CRIM1: variants seen among roughly 807,000 people sequenced by gnomAD.
The protein encoded by CRIM1 is cysteine-rich motor neuron 1 protein.
A neutral mutation model predicts 116.4 loss-of-function variants in CRIM1; 32 were observed. The ratio of observed to expected loss-of-function variants is 0.27; its 90% CI spans 0.21 to 0.37. CRIM1 has a LOEUF of 0.37. Ranked by LOEUF, CRIM1 falls within the 10% of genes least tolerant of loss-of-function variation. CRIM1 has a pLI of 1.00. For synonymous variants in CRIM1, 590 were observed against 509.2 expected (o/e 1.16, Z -2.13); for missense variants, 1,331 against 1,354.8 (o/e 0.98, Z 0.28).
chr2:36,428,850 G>A lies in CRIM1; in HGVS notation c.506-12408G>A, dbSNP rs80137038. On this transcript the variant is annotated intron_variant, in intron 2 of 16. Coordinates refer to ENST00000280527, the MANE Select transcript of CRIM1 (RefSeq NM_016441.3). ...AGTTTCTAATTGTCCCCATATACATGTGTTCATTCTCCTCTTCCTGCGTAG... is the reference window on the plus strand; with the variant it reads ...AGTTTCTAATTGTCCCCATATACATATGTTCATTCTCCTCTTCCTGCGTAG... 7.5e-3 allele frequency among the ~76,000 whole-genome samples: 1,147 copies of A among 152,282 alleles called. 44 individuals carry two copies. The East Asian group carries it at 0.088, about 12-fold the overall frequency.
At chr2:36,379,264 A>G (rs909333546) in intron 1 of CRIM1, 5 of 152,226 alleles carry the variant, frequency 3.3e-5, no homozygotes, top group African/African-American at 1.2e-4. Flanking sequence ...AAAATTATGC[A>G]GGTGGTTTGA....
At chr2:36,453,116 T>C (rs1676864402) in intron 4 of CRIM1, among the ~76,000 whole-genome samples, 2 of 152,374 alleles carry the variant, frequency 1.3e-5, no homozygotes, top group South Asian at 4.1e-4. Context: ...ACTCTTCATG[T>C]ACACCTTTAC....
At chr2:36,531,195 T>C (rs1394777032) in intron 13 of CRIM1, among the ~76,000 whole-genome samples, 1 of 152,142 alleles carries the variant, frequency 6.6e-6, no homozygotes, top group Non-Finnish European at 1.5e-5. Flanking sequence ...CAGCCTGACT[T>C]CCTCCCAGGA....
intron 8 of CRIM1, among the ~76,000 whole-genome samples, chr2:36,507,953 C>G (rs1327736020): frequency 6.6e-6 from 1 of 152,138 alleles, no homozygotes; most frequent in African/African-American, 2.4e-5. Flanking sequence ...TCATCTGTTT[C>G]CCAACATAAT....
At chr2:36,478,222 T>A (rs188001544) in intron 6 of CRIM1, among the ~76,000 whole-genome samples, 24 of 152,362 alleles carry the variant, frequency 1.6e-4, no homozygotes, top group African/African-American at 5.5e-4. Context: ...CTACTAGAGG[T>A]TATTTTACCC....
chr2:36,545,520 A>C (rs776349681), intron 15 of CRIM1, among the ~76,000 whole-genome samples: 12 of 152,212 alleles, frequency 7.9e-5, no homozygotes, highest in Non-Finnish European at 7.4e-5. Flanking sequence ...AAATTTTCTC[A>C]TGCATCAATA....
chr2:36,361,607 C>T (rs1395167582), intron 1 of CRIM1, among the ~76,000 whole-genome samples: 1 of 152,144 alleles, frequency 6.6e-6, no homozygotes. Flanking sequence ...ACAAGTATAT[C>T]ATCCTTTGAA....
rs188261043 is a variant in CRIM1 at position 36,486,329 on chromosome 2, T to C, written c.1372+6635T>C. ...GAGAAGAAATGTTTATTCTTACTTA[T>C]ACCTAGGAGTTCTGCTGCTGGTTCT... On this transcript the variant is annotated intron_variant, in intron 7 of 16. Transcript: ENST00000280527. Among the ~76,000 whole-genome samples the C allele has an allele frequency of 3.0e-4, 45 of 152,346 alleles. 1 individual carries two copies. The highest frequency in any genetic ancestry group is 7.8e-4 in the Admixed American group (12 of 15,304).
chr2:36,529,516 A>C, intron 13 of CRIM1: 1 of 219,662 alleles, frequency 4.6e-6, no homozygotes, highest in South Asian at 7.6e-5. Context: ...GATTTATGTG[A>C]ATAATGTCCA....
intron 1 of CRIM1, among the ~76,000 whole-genome samples, chr2:36,390,902 C>T (rs186147255): frequency 2.9e-4 from 44 of 151,708 alleles, no homozygotes; most frequent in Non-Finnish European, 5.6e-4. Context: ...CTCCACCTCC[C>T]AGGTTCAAGC....
intron 1 of CRIM1, among the ~76,000 whole-genome samples, chr2:36,360,555 G>A (rs923359993): frequency 2.6e-5 from 4 of 152,076 alleles, no homozygotes; most frequent in Admixed American, 2.0e-4. Context: ...TACATAGTGG[G>A]GTACTTACAG....
In CRIM1 at chr2:36,356,474, G is replaced by A; in HGVS notation, c.182G>A (p.Gly61Asp). The A allele has an allele frequency of 1.2e-6, 2 of 1,612,110 alleles. No individual in the cohort carries two copies. The highest frequency in any genetic ancestry group is 1.7e-6 in the Non-Finnish European group (2 of 1,179,770). ...GGGAGCATCGTGCAGGGCGTCTGCG[G>A]CTGCTGCTACACGTGCGCCAGCCAG... ...CPGSIVQGVC[G>D]CCYTCASQRN... Residue 61 changes from glycine to aspartate, a missense_variant, in exon 1 of 17, where the codon GGC becomes GAC. By Grantham distance (94) the Gly-to-Asp change is moderately conservative. Transcript: ENST00000280527. This position sits in a 1 kb window ranked among gnomAD's most constrained non-coding sequence, Gnocchi z 4.3.
chr2:36,531,907 G>T, intron 13 of CRIM1: 1 of 471,036 alleles, frequency 2.1e-6, no homozygotes, highest in Non-Finnish European at 4.4e-6. Context: ...AGCATCCCAT[G>T]AGGTAAGCAG....
At chr2:36,477,579 G>T (rs182918147) in intron 6 of CRIM1, among the ~76,000 whole-genome samples, 3 of 152,264 alleles carry the variant, frequency 2.0e-5, no homozygotes, top group Admixed American at 6.5e-5. Context: ...AATATGTGGT[G>T]GTTCACATGG....
chr2:36,414,565 G>C (rs966474660), intron 2 of CRIM1, among the ~76,000 whole-genome samples: 1 of 152,184 alleles, frequency 6.6e-6, no homozygotes, highest in Admixed American at 6.5e-5. Flanking sequence ...TGACGTACAG[G>C]GTACTGAGAC....
intron 1 of CRIM1, among the ~76,000 whole-genome samples, chr2:36,388,353 C>T (rs993196507): frequency 6.6e-6 from 1 of 152,126 alleles, no homozygotes. Context: ...AAAACAAAGT[C>T]TAATTGGTCT....
chr2:36,390,364 A>G (rs904727077), intron 1 of CRIM1, among the ~76,000 whole-genome samples: 3 of 152,232 alleles, frequency 2.0e-5, no homozygotes, highest in Non-Finnish European at 4.4e-5. Flanking sequence ...TAAGAACTCA[A>G]ATAAAAATAC....
chr2:36,360,423 T>C (rs1195674148), intron 1 of CRIM1, among the ~76,000 whole-genome samples: 3 of 152,220 alleles, frequency 2.0e-5, no homozygotes, highest in African/African-American at 7.2e-5. Context: ...ATTCCATCTT[T>C]TTCACCATTG....
At chr2:36,394,718 C>T (rs183249601) in intron 1 of CRIM1, among the ~76,000 whole-genome samples, 33 of 151,910 alleles carry the variant, frequency 2.2e-4, no homozygotes, top group Non-Finnish European at 4.0e-4. Flanking sequence ...AATTGTGTGT[C>T]GGTATAAACT....
Sources: allele counts gnomAD v4.1 joint callset (sites outside exome capture counted in the v4.1 genomes callset), GRCh38; gene constraint gnomAD v4.1.1; non-coding constraint Gnocchi (gnomAD v3.1); transcripts MANE v1.5; gene names NCBI Gene and HGNC (gene_info 2026-07-23, HGNC 2026-07-21).